BPHL: variants seen among roughly 807,000 people sequenced by gnomAD.
BPHL encodes serine hydrolase BPHL.
A neutral mutation model predicts 31.2 loss-of-function variants in BPHL; 27 were observed. The ratio of observed to expected loss-of-function variants is 0.87; its 90% CI spans 0.64 to 1.19. The LOEUF (loss-of-function observed/expected upper bound fraction) is 1.19. Among genes scored for constraint, BPHL ranks in the 50% most tolerant of loss-of-function variants. The pLI is 0.00. For missense variants in BPHL, 356 were observed against 375.7 expected (o/e 0.95, Z 0.43); for synonymous variants, 150 against 146.8 (o/e 1.02, Z -0.16).
rs1188306336 is a variant in BPHL at position 3,140,729 on chromosome 6, G to A, written c.788+220G>A. Among the ~76,000 whole-genome samples, 1 of 152,222 alleles carries A rather than the reference G, an allele frequency of 6.6e-6. No homozygotes were observed. Among genetic ancestry groups the A allele is most frequent in the East Asian group, 1.9e-4 (1 of 5,202 alleles). On this transcript the variant is annotated intron_variant, in intron 6 of 6. Coordinates refer to ENST00000380379, the MANE Select transcript of BPHL (RefSeq NM_004332.4). This position sits in a 1 kb window ranked among gnomAD's most constrained non-coding sequence, Gnocchi z 5.2. Reference sequence around the variant, plus strand: ...CCAGAAGGAAAGGCATGTTCAGATAGACAGCTCTTACTTTCATGAGTGGCA... The same window carrying A: ...CCAGAAGGAAAGGCATGTTCAGATAAACAGCTCTTACTTTCATGAGTGGCA...
chr6:3,140,408 G>A lies in BPHL; in HGVS notation c.687G>A (p.Leu229=), dbSNP rs1401183390. 2 of 1,614,052 alleles carry A rather than the reference G, an allele frequency of 1.2e-6. No homozygotes were observed. Among genetic ancestry groups the A allele is most frequent in the Admixed American group, 1.7e-5 (1 of 59,990 alleles). The part of the protein sequence containing the change: ...LPDGNICRHL[L]PRVQCPALIV... Reference sequence around the variant, plus strand: ...CAGGTAACATCTGCCGGCACCTGCTGCCCCGGGTCCAGTGCCCCGCCTTGA... The same window carrying A: ...CAGGTAACATCTGCCGGCACCTGCTACCCCGGGTCCAGTGCCCCGCCTTGA... Residue 229 remains leucine (L), a synonymous_variant, in exon 6 of 7, where the codon CTG becomes CTA. Transcript: ENST00000380379. The surrounding 1 kb of genome is among the most constrained non-coding windows in gnomAD (Gnocchi z 5.2).
At position 3,140,804 on chromosome 6, in the gene BPHL, AT is replaced by A. The variant is rs1044603512; in HGVS notation, c.788+298del. Among the ~76,000 whole-genome samples, 56 of 152,328 alleles carry A rather than the reference AT, an allele frequency of 3.7e-4. No homozygotes were observed. Among genetic ancestry groups the A allele is most frequent in the African/African-American group, 1.3e-3 (54 of 41,568 alleles). On this transcript the variant is annotated intron_variant, in intron 6 of 6. Transcript: ENST00000380379. The surrounding 1 kb of genome is among the most constrained non-coding windows in gnomAD (Gnocchi z 5.2). Reference sequence around the variant, plus strand: ...TGTCACTTGGTAATAGTTTAGATTTATTTCCATCAGTATTAACCGAAACAGT... The same window carrying A: ...TGTCACTTGGTAATAGTTTAGATTTATTCCATCAGTATTAACCGAAACAGT...
At chr6:3,125,899 G>A (rs969175136) in intron 2 of BPHL, among the ~76,000 whole-genome samples, 22 of 152,232 alleles carry the variant, frequency 1.4e-4, no homozygotes, top group Admixed American at 2.6e-4. Context: ...GTAGTCATTT[G>A]TGGCCTGAGG....
At chr6:3,129,226 GA>G in intron 4 of BPHL, 28 bp downstream of exon 4, 1 of 1,526,652 alleles carries the variant, frequency 6.6e-7, no homozygotes, top group Non-Finnish European at 8.8e-7. Flanking sequence ...GAGATGCCGG[GA>G]CGGCAGATCC....
At chr6:3,118,707 A>C, upstream of BPHL, 1 of 1,253,134 alleles carries the variant, frequency 8.0e-7, no homozygotes, top group Non-Finnish European at 1.0e-6. Flanking sequence ...GTCTTAGCGC[A>C]TGCGCACTCC....
At chr6:3,146,432 CGGAGTGCTGGTTTGGGT>C (rs1762366405) in intron 6 of BPHL, among the ~76,000 whole-genome samples, 1 of 66,704 alleles carries the variant, frequency 1.5e-5, no homozygotes, top group South Asian at 5.9e-4. Flanking sequence ...TGGTTTGGGT[CGGAGTGCTGGTTTGGGT>C]CGGAGTGCTG....
At chr6:3,118,415 G>C (rs369870627), upstream of BPHL, 1,047 of 244,108 alleles carry the variant, frequency 4.3e-3, 19 homozygotes, top group African/African-American at 0.022. Context: ...CTCGCCTCCT[G>C]GAAAGGCCAT....
chr6:3,140,541 C>A lies in BPHL; in HGVS notation c.788+32C>A. 6.2e-7 allele frequency: 1 copy of A among 1,610,728 alleles called. No homozygotes were observed. Among genetic ancestry groups the A allele is most frequent in the Non-Finnish European group, 8.5e-7 (1 of 1,179,476 alleles). ...CCTGTCACCGCCTTCACACTCCCCC[C>A]GAGAGCCTCGGAGTCAATGGGCAAA... On this transcript the variant is annotated intron_variant, in intron 6 of 6. Coordinates refer to ENST00000380379, the MANE Select transcript of BPHL (RefSeq NM_004332.4). The surrounding 1 kb of genome is among the most constrained non-coding windows in gnomAD (Gnocchi z 5.2).
rs2113745816 is a variant in BPHL, at chr6:3,123,536, TCATC to T, written c.108-119_108-116del. The T allele has an allele frequency of 4.3e-6, 3 of 698,096 alleles. No individual in the cohort carries two copies. The East Asian group carries it at 8.0e-5, about 19-fold the overall frequency. 43.2% of individuals were successfully genotyped at this position (698,096 alleles called of 1,614,324 possible). ...AACTATCGCTTATTGTTAGCCGTAG[TCATC>T]CTACAGCGCGTAGAACACTAACACT... On this transcript the variant is annotated intron_variant, in intron 1 of 6. Transcript: ENST00000380379.
intron 3 of BPHL, 123 bp downstream of exon 3, chr6:3,127,531 C>A: frequency 1.2e-6 from 1 of 823,208 alleles, no homozygotes; most frequent in Non-Finnish European, 1.7e-6. Flanking sequence ...ATAGAAAACC[C>A]CAAGAGTTCA....
rs536605182 is a variant in BPHL at position 3,149,708 on chromosome 6, C to T, written c.789-2780C>T. ...AGTGCAGTGGCGGGATCTCGGCTCA[C>T]TGCAACCTCCGCCTACTGGGTTCAA... is the stretch of plus-strand genomic sequence containing the variant. On this transcript the variant is annotated intron_variant, in intron 6 of 6. Coordinates refer to ENST00000380379, the MANE Select transcript of BPHL (RefSeq NM_004332.4). The surrounding 1 kb of genome is among the most constrained non-coding windows in gnomAD (Gnocchi z 4.6). Among the ~76,000 whole-genome samples the T allele has an allele frequency of 1.3e-5, 2 of 152,338 alleles. No individual in the cohort carries two copies. The highest frequency in any genetic ancestry group is 6.5e-5 in the Admixed American group (1 of 15,306).
intron 4 of BPHL, among the ~76,000 whole-genome samples, chr6:3,136,493 C>A (rs554178819): frequency 1.3e-3 from 205 of 152,340 alleles, no homozygotes; most frequent in African/African-American, 4.7e-3. Flanking sequence ...CCTCAGAAGG[C>A]AGTTGTGATT....
At position 3,149,057 on chromosome 6, in the gene BPHL, G is replaced by A. The variant is rs1041683345; in HGVS notation, c.789-3431G>A. ...TACCCGCAGACCCTATGCTGCATAC[G>A]TTGAATCTACTATCTCATTCATCCT... On this transcript the variant is annotated intron_variant, in intron 6 of 6. Coordinates refer to ENST00000380379, the MANE Select transcript of BPHL (RefSeq NM_004332.4). This position sits in a 1 kb window ranked among gnomAD's most constrained non-coding sequence, Gnocchi z 4.6. Among the ~76,000 whole-genome samples, 41 of 152,176 alleles carry A rather than the reference G, an allele frequency of 2.7e-4. No homozygotes were observed. The highest frequency in any genetic ancestry group is 8.2e-4 in the African/African-American group (34 of 41,442).
chr6:3,118,738 A>T lies in BPHL; in HGVS notation c.-3A>T, dbSNP rs1159294817. On this transcript the variant is annotated 5_prime_UTR_variant, in exon 1 of 7. Coordinates refer to ENST00000380379, the MANE Select transcript of BPHL (RefSeq NM_004332.4). ...ACTCCCGGCAGCTACGCGACCTGTG[A>T]CCATGGTGGCTGTGCTGGGCGGCCG... 1 of 1,261,482 alleles carries T rather than the reference A, an allele frequency of 7.9e-7. No individual in the cohort carries two copies. Among genetic ancestry groups the T allele is most frequent in the Non-Finnish European group, 1.0e-6 (1 of 999,554 alleles). 78.1% of individuals were successfully genotyped at this position (1,261,482 alleles called of 1,614,324 possible). A position where few individuals can be genotyped will look rare whatever the true frequency, so the allele number is the denominator to read the frequency against.
At chr6:3,138,044 G>C in intron 5 of BPHL, 2 of 1,217,558 alleles carry the variant, frequency 1.6e-6, no homozygotes, top group Non-Finnish European at 2.2e-6. Context: ...TTTTTAGATG[G>C]AGTCTCACTC....
chr6:3,118,550 G>A (rs772701631), upstream of BPHL: 89 of 407,762 alleles, frequency 2.2e-4, no homozygotes, highest in Admixed American at 5.3e-4. Context: ...GCGAAACCAC[G>A]AGCCGAGTTT....
At chr6:3,118,539 T>G, upstream of BPHL, 1 of 397,168 alleles carries the variant, frequency 2.5e-6, no homozygotes. Flanking sequence ...GTTCCAGGAC[T>G]GCGAAACCAC....
At chr6:3,122,594 G>T (rs1214316541) in intron 1 of BPHL, among the ~76,000 whole-genome samples, 1 of 152,188 alleles carries the variant, frequency 6.6e-6, no homozygotes, top group Non-Finnish European at 1.5e-5. Context: ...ACAGACACTG[G>T]CATTATGCCT....
chr6:3,123,291 C>T (rs923080775), intron 1 of BPHL, among the ~76,000 whole-genome samples: 12 of 152,164 alleles, frequency 7.9e-5, no homozygotes, highest in Admixed American at 3.3e-4. Flanking sequence ...ATATTAAATT[C>T]GTGCTGTTAA....
Sources: allele counts gnomAD v4.1 joint callset (sites outside exome capture counted in the v4.1 genomes callset), GRCh38; gene constraint gnomAD v4.1.1; non-coding constraint Gnocchi (gnomAD v3.1); transcripts MANE v1.5; gene names NCBI Gene and HGNC (gene_info 2026-07-23, HGNC 2026-07-21).